The following SLC34A1 variants were observed in gnomAD, a reference collection of about 807,000 sequenced individuals.
The protein encoded by SLC34A1 is sodium-dependent phosphate transport protein 2A.
SLC34A1 carries 57 observed loss-of-function variants against 51.4 expected under a neutral mutation model. The ratio of observed to expected loss-of-function variants is 1.11; its 90% confidence interval spans 0.90 to 1.38. The LOEUF is 1.38. SLC34A1 is among the 40% of genes most tolerant of loss of function. The pLI, the probability that SLC34A1 is intolerant of heterozygous loss-of-function variation, is 0.00. For missense variants in SLC34A1, 796 were observed against 835.6 expected, an observed-to-expected ratio of 0.95 and a Z score of 0.58; for synonymous variants, 368 against 358.0, an observed-to-expected ratio of 1.03 and a Z score of -0.32.
At chr5:177,393,805 C>T (rs369082336) in intron 9 of SLC34A1, 42 bp downstream of exon 9, 18 of 1,595,204 alleles carry the variant, frequency 1.1e-5, no homozygotes, top group Non-Finnish European at 1.5e-5. Context: ...ATGGCAGGGG[C>T]AGAGCCTAGC....
Position 177,386,059 on chromosome 5 carries a change from C to A in SLC34A1, c.182C>A (p.Thr61Asn), listed in dbSNP as rs1175121897. Residue 61 changes from threonine (T) to asparagine (N), a missense_variant, in exon 3 of 13, where the codon ACC becomes AAC. By Grantham distance (65) the Thr-to-Asn change is moderately conservative. Transcript: ENST00000324417. This position sits in a 1 kb window ranked among gnomAD's most constrained non-coding sequence, Gnocchi z 4.8. ...GGCCCTGTGGCCCTTGCTGAGCACA[C>A]CTGCCCCTGTGGGGAGGTCCTGGAG... ...SLGPVALAEH[T>N]CPCGEVLERH... The A allele has an allele frequency of 2.5e-6, 4 of 1,611,018 alleles. No homozygotes were observed. The highest frequency in any genetic ancestry group is 3.4e-6 in the Non-Finnish European group (4 of 1,178,352).
In SLC34A1 at chr5:177,396,682, C is replaced by A; in HGVS notation, c.1175-51C>A. ...CAGTGCCCCCGCGGAGGTCTGCTCT[C>A]CCAATGTCCCCGCTCTGACCCCAGC... On this transcript the variant is annotated intron_variant, in intron 10 of 12. Transcript: ENST00000324417. The surrounding 1 kb of genome is among the most constrained non-coding windows in gnomAD (Gnocchi z 4.0). 3 of 1,547,720 alleles carry A rather than the reference C, an allele frequency of 1.9e-6. No individual in the cohort carries two copies. Among genetic ancestry groups the A allele is most frequent in the Non-Finnish European group, 2.7e-6 (3 of 1,119,630 alleles).
At chr5:177,387,543 T>A (rs193101576) in intron 5 of SLC34A1, among the ~76,000 whole-genome samples, 1 of 152,232 alleles carries the variant, frequency 6.6e-6, no homozygotes, top group Non-Finnish European at 1.5e-5. Context: ...ATACACCATG[T>A]GCAGCACGTG....
In SLC34A1 at chr5:177,394,484, G is replaced by A. The variant is rs146749109; in HGVS notation, c.1174+289G>A. On this transcript the variant is annotated intron_variant, in intron 10 of 12. Coordinates refer to ENST00000324417, the MANE Select transcript of SLC34A1 (RefSeq NM_003052.5). ...CATTGTGTGACAAGGGAGGTGTAGT[G>A]CCAGGTATACAGAGGTGAGACAAAC... Among the ~76,000 whole-genome samples the A allele has an allele frequency of 4.7e-4, 71 of 152,276 alleles. 2 individuals carry two copies. Among genetic ancestry groups the A allele is most frequent in the African/African-American group, 1.6e-3 (65 of 41,560 alleles).
At position 177,398,169 on chromosome 5, in the gene SLC34A1, C is replaced by T. The variant is rs769430342; in HGVS notation, c.1803C>T (p.Ala601=). The T allele has an allele frequency of 1.9e-6, 3 of 1,612,722 alleles. No homozygotes were observed. Among genetic ancestry groups the T allele is most frequent in the Non-Finnish European group, 2.5e-6 (3 of 1,179,774 alleles). Residue 601 remains alanine, a synonymous_variant, in exon 13 of 13, where the codon GCC becomes GCT. Coordinates refer to ENST00000324417, the MANE Select transcript of SLC34A1 (RefSeq NM_003052.5). The surrounding 1 kb of genome is among the most constrained non-coding windows in gnomAD (Gnocchi z 4.7). The stretch of plus-strand genomic sequence containing the variant: ...TCACCCGCGCCACCCTATGCTGTGC[C>T]AGGCCTGAGCCCCGCTCACCCCCGC... ...HLITRATLCC[A]RPEPRSPPLP...
chr5:177,386,417 C>T lies in SLC34A1; in HGVS notation c.389-6C>T, dbSNP rs1488430001. 1.9e-6 allele frequency: 3 copies of T among 1,614,210 alleles called. No individual in the cohort carries two copies. Among genetic ancestry groups the T allele is most frequent in the Non-Finnish European group, 1.7e-6 (2 of 1,180,034 alleles). On this transcript the variant is annotated splice_polypyrimidine_tract_variant and splice_region_variant and intron_variant, in intron 4 of 12. Transcript: ENST00000324417. The surrounding 1 kb of genome is among the most constrained non-coding windows in gnomAD (Gnocchi z 4.8). ...GCCTTGGACAACGCTGGCTCATGCT[C>T]CCCAGGGAAGGTGGCTGGTGACATC...
At chr5:177,385,479 T>A (rs905918325) in intron 1 of SLC34A1, among the ~76,000 whole-genome samples, 1 of 151,156 alleles carries the variant, frequency 6.6e-6, no homozygotes, top group Admixed American at 6.6e-5. Flanking sequence ...CACATGTGAG[T>A]CTGCATGTGA....
intron 8 of SLC34A1, chr5:177,390,095 G>A (rs1460652193): frequency 1.9e-5 from 21 of 1,105,240 alleles, no homozygotes; most frequent in Admixed American, 9.3e-5. Flanking sequence ...GCCCAAAGAC[G>A]GGCCACAGAG....
intron 6 of SLC34A1, 38 bp downstream of exon 6, chr5:177,387,911 G>T: frequency 1.9e-6 from 3 of 1,607,174 alleles, no homozygotes; most frequent in Non-Finnish European, 2.6e-6. Flanking sequence ...GTGCCTGGGG[G>T]AGGACAGCCC....
intron 1 of SLC34A1, among the ~76,000 whole-genome samples, chr5:177,385,415 C>T (rs1187462803): frequency 6.6e-6 from 1 of 152,058 alleles, no homozygotes; most frequent in Admixed American, 6.5e-5. Context: ...ATCACCTCAC[C>T]ACCACCACAC....
rs182154889 is a variant in SLC34A1 at position 177,389,428 on chromosome 5, C to T, written c.936+1056C>T. Among the ~76,000 whole-genome samples, 25 of 152,184 alleles carry T rather than the reference C, an allele frequency of 1.6e-4. No individual in the cohort carries two copies. The East Asian group carries it at 4.1e-3, about 25-fold the overall frequency. On this transcript the variant is annotated intron_variant, in intron 8 of 12. Transcript: ENST00000324417. ...TTTACCCTGGTGCGAACAGAAAACA[C>T]TCATCTGACTCGCCCTGCGATGCTC...
chr5:177,396,782 G>A lies in SLC34A1; in HGVS notation c.1224G>A (p.Val408=). ...TWVTGYFAMV[V]GASMTFVVQS... ...TCACAGGCTACTTTGCCATGGTGGTGGGCGCCAGCATGACCTTCGTGGTCC... is the reference window on the plus strand; with the variant it reads ...TCACAGGCTACTTTGCCATGGTGGTAGGCGCCAGCATGACCTTCGTGGTCC... Residue 408 remains valine (V), a synonymous_variant, in exon 11 of 13, where the codon GTG becomes GTA. Transcript: ENST00000324417. The surrounding 1 kb of genome is among the most constrained non-coding windows in gnomAD (Gnocchi z 4.0). 1 of 1,614,232 alleles carries A rather than the reference G, an allele frequency of 6.2e-7. No homozygotes were observed. The highest frequency in any genetic ancestry group is 8.5e-7 in the Non-Finnish European group (1 of 1,180,048).
rs928827797 is a variant in SLC34A1, at chr5:177,397,627, C to T, written c.1417-156C>T. The T allele has an allele frequency of 4.3e-6, 4 of 923,386 alleles. No individual in the cohort carries two copies. In the African/African-American group the frequency reaches 6.5e-5, roughly 15 times the overall value. The allele number at this position is 923,386 out of a possible 1,614,324, so 57.2% of individuals were successfully genotyped here. A position where few individuals can be genotyped will look rare whatever the true frequency, so the allele number is the denominator to read the frequency against. On this transcript the variant is annotated intron_variant, in intron 12 of 12. Coordinates refer to ENST00000324417, the MANE Select transcript of SLC34A1 (RefSeq NM_003052.5). Reference sequence around the variant, plus strand: ...ATATTTGCATAGCCAGCATAGCCACCTCGGGGTGATCTCGGGGCAGGGGGC... The same window carrying T: ...ATATTTGCATAGCCAGCATAGCCACTTCGGGGTGATCTCGGGGCAGGGGGC...
chr5:177,396,694 G>T lies in SLC34A1; in HGVS notation c.1175-39G>T. On this transcript the variant is annotated intron_variant, in intron 10 of 12. Transcript: ENST00000324417. The surrounding 1 kb of genome is among the most constrained non-coding windows in gnomAD (Gnocchi z 4.0). ...GGAGGTCTGCTCTCCCAATGTCCCC[G>T]CTCTGACCCCAGCCTGCTGGGATGC... The T allele has an allele frequency of 1.3e-6, 2 of 1,591,198 alleles. No individual in the cohort carries two copies. The highest frequency in any genetic ancestry group is 1.7e-6 in the Non-Finnish European group (2 of 1,159,276).
rs1274632169 is a variant in SLC34A1 at position 177,398,018 on chromosome 5, T to A, written c.1652T>A (p.Leu551Gln). The change falls in exon 13 of 13, where the codon CTG becomes CAG. Residue 551 changes from leucine to glutamine, a missense_variant. By Grantham distance (113) the Leu-to-Gln change is moderately radical. Coordinates refer to ENST00000324417, the MANE Select transcript of SLC34A1 (RefSeq NM_003052.5). This position sits in a 1 kb window ranked among gnomAD's most constrained non-coding sequence, Gnocchi z 4.7. ...GGTGTGGGCACGCCCTTCGGGGCCC[T>A]GCTGGCCTTCGTGGTGCTCATCAAT... is the stretch of plus-strand genomic sequence containing the variant. ...MVGVGTPFGA[L>Q]LAFVVLINVL... The A allele has an allele frequency of 2.5e-6, 4 of 1,614,018 alleles. No homozygotes were observed. The South Asian group carries it at 4.4e-5, about 18-fold the overall frequency.
chr5:177,387,139 G>C (rs1231630113), intron 5 of SLC34A1, among the ~76,000 whole-genome samples: 4 of 151,834 alleles, frequency 2.6e-5, no homozygotes, highest in African/African-American at 7.3e-5. Context: ...GGGAGGCTGA[G>C]GGGGGCAGAT....
intron 5 of SLC34A1, among the ~76,000 whole-genome samples, chr5:177,387,370 G>C (rs1027562936): frequency 2.6e-5 from 4 of 151,816 alleles, no homozygotes; most frequent in Non-Finnish European, 4.4e-5. Flanking sequence ...ACTCCAGCCT[G>C]GGCGACAGAG....
rs866128819 is a variant in SLC34A1 at position 177,389,555 on chromosome 5, C to T, written c.936+1183C>T. On this transcript the variant is annotated intron_variant, in intron 8 of 12. Transcript: ENST00000324417. ...AGCTTTTACGCTGACTTCATGACCT[C>T]TTTAATACATCAACCACTTTCTCAC... 4 of 1,522,036 alleles carry T rather than the reference C, an allele frequency of 2.6e-6. No individual in the cohort carries two copies. The Middle Eastern group carries it at 6.7e-4, about 255-fold the overall frequency. The allele number at this position is 1,522,036 out of a possible 1,614,324, so 94.3% of individuals were successfully genotyped here. A position where few individuals can be genotyped will look rare whatever the true frequency, so the allele number is the denominator to read the frequency against.
rs1209197552 is a variant in SLC34A1, at chr5:177,396,537, G to A, written c.1175-196G>A. On this transcript the variant is annotated intron_variant, in intron 10 of 12. Transcript: ENST00000324417. This position sits in a 1 kb window ranked among gnomAD's most constrained non-coding sequence, Gnocchi z 4.0. ...TCCTCTCTCCCAGTGCCCCCGCGGAGGTCCGCTCTCCCAGTGCCCCCGCGG... is the reference window on the plus strand; with the variant it reads ...TCCTCTCTCCCAGTGCCCCCGCGGAAGTCCGCTCTCCCAGTGCCCCCGCGG... Among the ~76,000 whole-genome samples the A allele has an allele frequency of 8.4e-6, 1 of 118,634 alleles. No homozygotes were observed. The highest frequency in any genetic ancestry group is 1.9e-5 in the Non-Finnish European group (1 of 52,670). 77.8% of individuals were successfully genotyped at this position (118,634 alleles called of 152,430 possible).
Sources: gnomAD v4.1 joint callset for allele counts (sites outside exome capture counted in the v4.1 genomes callset) on GRCh38, gnomAD v4.1.1 for gene constraint, Gnocchi (gnomAD v3.1) non-coding constraint, MANE v1.5 for transcripts, NCBI Gene and HGNC (gene_info 2026-07-23, HGNC 2026-07-21) for gene names.